Variants in AMMECR1 observed in about 807,000 individuals in gnomAD.
AMMECR1 encodes the protein AMMECR nuclear protein 1.
A neutral mutation model predicts 22.5 loss-of-function variants in AMMECR1; 3 were observed. That is an observed-to-expected ratio of 0.13 (90% CI 0.06 to 0.35). The LOEUF (loss-of-function observed/expected upper bound fraction) is 0.35. Among genes scored for constraint, AMMECR1 ranks in the 10% least tolerant of loss-of-function variants. AMMECR1 has a pLI of 1.00. For synonymous variants in AMMECR1, 130 were observed against 116.7 expected (o/e 1.11, Z -0.74); for missense variants, 235 against 278.7 (o/e 0.84, Z 1.12).
chrX:110,243,530 A>G (rs1320876588), intron 2 of AMMECR1, among the ~76,000 whole-genome samples: 1 of 112,416 alleles, frequency 8.9e-6, no homozygotes, highest in Non-Finnish European at 1.9e-5. Flanking sequence ...AAATCAACAG[A>G]TGTGTTGTTT....
chrX:110,353,741 G>T (rs2068219835), intron 2 of AMMECR1, among the ~76,000 whole-genome samples: 1 of 111,587 alleles, frequency 9.0e-6, no homozygotes, highest in Non-Finnish European at 1.9e-5. Flanking sequence ...ATCTATCATG[G>T]AGAGTGTTCC....
chrX:110,244,690 G>A (rs1013443152), intron 2 of AMMECR1, among the ~76,000 whole-genome samples: 1 of 112,044 alleles, frequency 8.9e-6, no homozygotes, highest in African/African-American at 3.2e-5. Flanking sequence ...ATAGTACCTA[G>A]TACAGTACCA....
At chrX:110,248,630 A>G (rs1030817762) in intron 2 of AMMECR1, among the ~76,000 whole-genome samples, 3 of 112,229 alleles carry the variant, frequency 2.7e-5, no homozygotes, top group Non-Finnish European at 5.6e-5. Context: ...GCAAAAATTA[A>G]AACTAAGACA....
rs1372250086 is a variant in AMMECR1 at position 110,194,824 on chromosome X, G to T, written c.*3696C>A. The T allele has an allele frequency of 8.9e-6, 1 of 111,842 alleles. No individual in the cohort carries two copies. 9.2% of individuals were successfully genotyped at this position (111,842 alleles called of 1,213,427 possible). A position where few individuals can be genotyped will look rare whatever the true frequency, so the allele number is the denominator to read the frequency against. ...TATAAAGGATCAATGCTGGTCTTAA[G>T]AATAATGTCATCAGAAACCCTTAAA... is the stretch of plus-strand genomic sequence containing the variant. On this transcript the variant is annotated 3_prime_UTR_variant, in exon 6 of 6. Transcript: ENST00000262844.
Sources: gnomAD v4.1 joint callset for allele counts (sites outside exome capture counted in the v4.1 genomes callset) on GRCh38, gnomAD v4.1.1 for gene constraint, MANE v1.5 for transcripts, NCBI Gene and HGNC (gene_info 2026-07-23, HGNC 2026-07-21) for gene names.